Variants in GRIA4 observed in about 807,000 individuals in gnomAD.
The protein encoded by GRIA4 is glutamate receptor 4.
Under a neutral mutation model 104.0 loss-of-function variants are expected in GRIA4, and 34 were observed. That is an observed-to-expected ratio of 0.33 (90% CI 0.25 to 0.44). GRIA4 has a LOEUF of 0.44. Ranked by LOEUF, GRIA4 falls within the 20% of genes least tolerant of loss-of-function variation. The pLI, the probability that GRIA4 is intolerant of heterozygous loss-of-function variation, is 1.00. For synonymous variants in GRIA4, 386 were observed against 381.9 expected, an observed-to-expected ratio of 1.01 and a Z score of -0.13; for missense variants, 750 against 1,096.5, an observed-to-expected ratio of 0.68 and a Z score of 4.46.
chr11:105,779,114 C>A (rs1441338981), intron 4 of GRIA4, among the ~76,000 whole-genome samples: 1 of 151,572 alleles, frequency 6.6e-6, no homozygotes, highest in East Asian at 2.0e-4. Flanking sequence ...AGGACATGAA[C>A]TCATCAGTTT....
chr11:105,893,230 C>T (rs946540545), intron 6 of GRIA4, among the ~76,000 whole-genome samples: 2 of 152,040 alleles, frequency 1.3e-5, no homozygotes, highest in Admixed American at 6.6e-5. Context: ...CTGATTTCTT[C>T]CTGACTATGG....
chr11:105,629,977 G>A (rs1027846011), intron 3 of GRIA4, among the ~76,000 whole-genome samples: 1 of 152,174 alleles, frequency 6.6e-6, no homozygotes. Context: ...ATTGAAACCT[G>A]TAACTTAGCA....
At chr11:105,629,401 T>A (rs769345699) in intron 3 of GRIA4, among the ~76,000 whole-genome samples, 1 of 152,034 alleles carries the variant, frequency 6.6e-6, no homozygotes, top group Non-Finnish European at 1.5e-5. Flanking sequence ...TAAATATTAT[T>A]ATATGGCTAC....
At chr11:105,646,248 CTT>C (rs1281054605) in intron 3 of GRIA4, among the ~76,000 whole-genome samples, 1 of 152,024 alleles carries the variant, frequency 6.6e-6, no homozygotes, top group African/African-American at 2.4e-5. Flanking sequence ...AAATACAAAA[CTT>C]AGTAGGAAAT....
At chr11:105,644,320 C>G (rs1951459295) in intron 3 of GRIA4, among the ~76,000 whole-genome samples, 1 of 151,986 alleles carries the variant, frequency 6.6e-6, no homozygotes, top group South Asian at 2.1e-4. Flanking sequence ...GGCCAGGCAC[C>G]TTTGGCTCGC....
At chr11:105,972,096 G>A in intron 15 of GRIA4, 68 bp downstream of exon 15, 1 of 922,734 alleles carries the variant, frequency 1.1e-6, no homozygotes, top group Admixed American at 1.8e-5. Flanking sequence ...ATTGTCAAAA[G>A]TATATGGAAA....
intron 4 of GRIA4, among the ~76,000 whole-genome samples, chr11:105,761,037 C>A (rs749159343): frequency 1.4e-4 from 22 of 152,240 alleles, no homozygotes; most frequent in Non-Finnish European, 2.2e-4. Context: ...TATTAAATTT[C>A]TGACTGCTTA....
intron 4 of GRIA4, among the ~76,000 whole-genome samples, chr11:105,803,413 T>A (rs1942805455): frequency 6.6e-6 from 1 of 151,980 alleles, no homozygotes; most frequent in Non-Finnish European, 1.5e-5. Flanking sequence ...ATATCTTCAA[T>A]GTGCATATAT....
chr11:105,974,633 G>A (rs1858881788), intron 16 of GRIA4, 189 bp downstream of exon 16: 2 of 1,398,302 alleles, frequency 1.4e-6, no homozygotes, highest in African/African-American at 1.4e-5. Context: ...CTGTCCAGTG[G>A]TGGTATTGCT....
intron 4 of GRIA4, among the ~76,000 whole-genome samples, chr11:105,767,366 G>A (rs1940997433): frequency 6.6e-6 from 1 of 152,106 alleles, no homozygotes; most frequent in Non-Finnish European, 1.5e-5. Context: ...TTTTATTTTA[G>A]CATTTAACAG....
intron 3 of GRIA4, among the ~76,000 whole-genome samples, chr11:105,691,669 G>A (rs886314069): frequency 1.3e-5 from 2 of 152,056 alleles, no homozygotes; most frequent in African/African-American, 2.4e-5. Flanking sequence ...AGGCGCAGTG[G>A]TTCACGCCTG....
At chr11:105,961,331 TG>T (rs1948739802) in intron 14 of GRIA4, among the ~76,000 whole-genome samples, 1 of 152,256 alleles carries the variant, frequency 6.6e-6, no homozygotes, top group South Asian at 2.1e-4. Flanking sequence ...TATCTATCCA[TG>T]TTTTTTGCTG....
At chr11:105,790,029 T>C (rs1942146393) in intron 4 of GRIA4, among the ~76,000 whole-genome samples, 1 of 152,196 alleles carries the variant, frequency 6.6e-6, no homozygotes, top group Non-Finnish European at 1.5e-5. Context: ...CTTCTGCAAG[T>C]GAGAAGGAAA....
intron 4 of GRIA4, among the ~76,000 whole-genome samples, chr11:105,777,130 CT>C (rs1565227787): frequency 6.6e-6 from 1 of 152,130 alleles, no homozygotes; most frequent in African/African-American, 2.4e-5. Flanking sequence ...ATTAACAGTG[CT>C]TACTTCTGCA....
intron 4 of GRIA4, among the ~76,000 whole-genome samples, chr11:105,779,261 T>A (rs1321025767): frequency 6.6e-6 from 1 of 152,034 alleles, no homozygotes; most frequent in South Asian, 2.1e-4. Flanking sequence ...CAAGGAGAAC[T>A]ACAAACCACT....
At position 105,974,305 on chromosome 11, in the gene GRIA4, C is replaced by A. The variant is rs149543824; in HGVS notation, c.2410-5C>A. 5,494 of 1,613,436 alleles carry A rather than the reference C, an allele frequency of 3.4e-3. 48 individuals carry two copies. The highest frequency in any genetic ancestry group is 2.9e-3 in the Non-Finnish European group (3,444 of 1,179,506). Reference sequence around the variant, plus strand: ...AGTTAACTGAAGTGTCTTTATCCCCCCTAGGACAAGACGAGTGCCTTGAGC... The same window carrying A: ...AGTTAACTGAAGTGTCTTTATCCCCACTAGGACAAGACGAGTGCCTTGAGC... On this transcript the variant is annotated splice_region_variant and splice_polypyrimidine_tract_variant and intron_variant, in intron 15 of 16. Transcript: ENST00000282499.
chr11:105,888,200 T>C (rs564291287), intron 6 of GRIA4, among the ~76,000 whole-genome samples: 1 of 150,770 alleles, frequency 6.6e-6, no homozygotes, highest in Non-Finnish European at 1.5e-5. Context: ...TGCTTTATTA[T>C]AGAGTACCAT....
chr11:105,761,150 G>A (rs1940622638), intron 4 of GRIA4, among the ~76,000 whole-genome samples: 2 of 152,080 alleles, frequency 1.3e-5, no homozygotes, highest in Non-Finnish European at 2.9e-5. Flanking sequence ...GATATACTTT[G>A]ATACAAAATA....
intron 3 of GRIA4, among the ~76,000 whole-genome samples, chr11:105,654,968 G>A (rs1951798285): frequency 6.6e-6 from 1 of 152,046 alleles, no homozygotes; most frequent in Non-Finnish European, 1.5e-5. Flanking sequence ...TTTAATTTGT[G>A]TCTGCTTTAC....
Sources: allele counts gnomAD v4.1 joint callset (sites outside exome capture counted in the v4.1 genomes callset), GRCh38; gene constraint gnomAD v4.1.1; transcripts MANE v1.5; gene names NCBI Gene and HGNC (gene_info 2026-07-23, HGNC 2026-07-21).